Variants in TRPC5 observed in about 807,000 individuals in gnomAD.
The protein encoded by TRPC5 is transient receptor potential cation channel subfamily C member 5.
In TRPC5, 9 loss-of-function variants were observed where a neutral mutation model predicts 56.5. The observed-to-expected ratio is 0.16, with a 90% CI of 0.10 to 0.28. The LOEUF is 0.28. TRPC5 is among the 10% of genes least tolerant of loss of function. The pLI is 1.00. For synonymous variants in TRPC5, 282 were observed against 278.5 expected (o/e 1.01, Z -0.13); for missense variants, 469 against 748.9 (o/e 0.63, Z 4.36).
rs778309045 is a variant in TRPC5 at position 111,931,495 on chromosome X, G to A, written c.379-18683C>T. On this transcript the variant is annotated intron_variant, in intron 2 of 10. Transcript: ENST00000262839. ...TATGACGTATCTTCATTTTGCTTGG[G>A]TAGACAAAGCTCAGACTATTCTAAA... 4.5e-5 allele frequency among the ~76,000 whole-genome samples: 5 copies of A among 112,000 alleles called. 1 individual carries two copies. In the East Asian group the frequency reaches 1.1e-3, roughly 25 times the overall value.
At chrX:111,962,869 C>A (rs1301499216) in intron 1 of TRPC5, among the ~76,000 whole-genome samples, 2 of 111,986 alleles carry the variant, frequency 1.8e-5, no homozygotes, top group Non-Finnish European at 3.8e-5. Context: ...CGAATAGGAA[C>A]AGCTCCAGTC....
At chrX:111,942,701 T>A (rs928215348) in intron 2 of TRPC5, among the ~76,000 whole-genome samples, 8 of 112,569 alleles carry the variant, frequency 7.1e-5, no homozygotes, top group Middle Eastern at 4.2e-3. Context: ...TTCTGTCCTT[T>A]TCTCTCAATT....
chrX:112,059,785 G>T (rs1930422085), intron 1 of TRPC5, among the ~76,000 whole-genome samples: 1 of 111,892 alleles, frequency 8.9e-6, no homozygotes, highest in Non-Finnish European at 1.9e-5. Context: ...AGCAGTTAGG[G>T]ACCAATGTTG....
At chrX:111,778,943 TTATGA>T in intron 10 of TRPC5, 37 bp downstream of exon 10, 1 of 967,462 alleles carries the variant, frequency 1.0e-6, no homozygotes, top group Non-Finnish European at 1.5e-6. Flanking sequence ...TAAATGATGC[TTATGA>T]TATGTAAAAT....
intron 1 of TRPC5, among the ~76,000 whole-genome samples, chrX:112,002,821 A>C (rs949107725): frequency 1.8e-4 from 20 of 112,554 alleles, no homozygotes; most frequent in African/African-American, 6.4e-4. Flanking sequence ...GCAAGCAATC[A>C]ATCAGAATGT....
chrX:112,058,563 C>T (rs1023179052), intron 1 of TRPC5, among the ~76,000 whole-genome samples: 1 of 111,405 alleles, frequency 9.0e-6, no homozygotes, highest in Non-Finnish European at 1.9e-5. Context: ...ATATTATTCC[C>T]TTATACCAAG....
chrX:111,788,303 C>A (rs1323005599), intron 7 of TRPC5, among the ~76,000 whole-genome samples: 1 of 111,578 alleles, frequency 9.0e-6, no homozygotes, highest in African/African-American at 3.3e-5. Flanking sequence ...ACAGAACCAA[C>A]AACAAAAACC....
At chrX:111,793,999 T>C (rs1946041930) in intron 7 of TRPC5, among the ~76,000 whole-genome samples, 1 of 111,505 alleles carries the variant, frequency 9.0e-6, no homozygotes, top group African/African-American at 3.3e-5. Flanking sequence ...ATGGTCAGAA[T>C]AGACAAATCC....
At chrX:111,939,623 T>G (rs911639493) in intron 2 of TRPC5, among the ~76,000 whole-genome samples, 14 of 112,045 alleles carry the variant, frequency 1.2e-4, no homozygotes, top group African/African-American at 4.2e-4. Context: ...GGTTCATTCT[T>G]GGTAAGTTGA....
At chrX:111,978,601 T>C (rs769584461) in intron 1 of TRPC5, among the ~76,000 whole-genome samples, 4 of 111,710 alleles carry the variant, frequency 3.6e-5, no homozygotes, top group East Asian at 2.8e-4. Context: ...TGAATTTTCA[T>C]AGTGGCTTTA....
intron 1 of TRPC5, among the ~76,000 whole-genome samples, chrX:112,020,546 T>TA (rs1026827172): frequency 8.9e-6 from 1 of 112,284 alleles, no homozygotes; most frequent in African/African-American, 3.2e-5. Flanking sequence ...GGCCTGAATG[T>TA]AAAAAACACA....
chrX:111,988,716 T>A (rs1928275043), intron 1 of TRPC5, among the ~76,000 whole-genome samples: 1 of 111,225 alleles, frequency 9.0e-6, no homozygotes, highest in African/African-American at 3.3e-5. Context: ...TGCATATGAT[T>A]TGCCTACTGT....
intron 1 of TRPC5, among the ~76,000 whole-genome samples, chrX:112,006,613 T>C (rs1928851381): frequency 9.0e-6 from 1 of 111,257 alleles, no homozygotes; most frequent in Non-Finnish European, 1.9e-5. Flanking sequence ...TCTGCTGAAG[T>C]TGTTAATAGT....
chrX:111,993,087 T>G (rs189974132), intron 1 of TRPC5, among the ~76,000 whole-genome samples: 2 of 97,410 alleles, frequency 2.1e-5, no homozygotes, highest in East Asian at 3.4e-4. Context: ...GCGTGTGATG[T>G]TCCATGCCCT....
chrX:111,966,379 C>G (rs1927577965), intron 1 of TRPC5, among the ~76,000 whole-genome samples: 1 of 111,666 alleles, frequency 9.0e-6, no homozygotes, highest in South Asian at 3.8e-4. Context: ...GATGGATTCA[C>G]AGCCGAATTC....
chrX:111,882,920 T>C (rs1394941127), intron 3 of TRPC5, among the ~76,000 whole-genome samples: 2 of 110,862 alleles, frequency 1.8e-5, no homozygotes, highest in East Asian at 5.7e-4. Context: ...ACCCCGTCTC[T>C]ACCAAAAATA....
At position 111,964,990 on chromosome X, in the gene TRPC5, T is replaced by A. The variant is rs1275392628; in HGVS notation, c.-21-12549A>T. Among the ~76,000 whole-genome samples, 21 of 111,911 alleles carry A rather than the reference T, an allele frequency of 1.9e-4. 1 individual carries two copies. In the Admixed American group the frequency reaches 1.9e-3, roughly 10 times the overall value. On this transcript the variant is annotated intron_variant, in intron 1 of 10. Coordinates refer to ENST00000262839, the MANE Select transcript of TRPC5 (RefSeq NM_012471.3). ...CACATAACAATATTAACTTTAAATG[T>A]AAATGGGCTAAATGCTCCAGTTAAA...
intron 7 of TRPC5, among the ~76,000 whole-genome samples, chrX:111,826,920 T>C (rs1271534234): frequency 9.0e-6 from 1 of 111,034 alleles, no homozygotes; most frequent in African/African-American, 3.3e-5. Flanking sequence ...CAGTTCAGAG[T>C]TGTGATAAGA....
intron 6 of TRPC5, among the ~76,000 whole-genome samples, chrX:111,835,906 A>T (rs751225789): frequency 3.6e-5 from 4 of 112,193 alleles, no homozygotes; most frequent in Non-Finnish European, 3.8e-5. Context: ...ACCAACTGTT[A>T]TTGAGGCTTT....
Sources: gnomAD v4.1 joint callset for allele counts (sites outside exome capture counted in the v4.1 genomes callset) on GRCh38, gnomAD v4.1.1 for gene constraint, MANE v1.5 for transcripts, NCBI Gene and HGNC (gene_info 2026-07-23, HGNC 2026-07-21) for gene names.